Variants in NIPAL2 observed in about 807,000 individuals in gnomAD.
NIPAL2 encodes the protein NIPA like domain containing 2.
NIPAL2 carries 43 observed loss-of-function variants against 48.9 expected under a neutral mutation model. That is an observed-to-expected ratio of 0.88 (90% CI 0.69 to 1.13). The LOEUF (loss-of-function observed/expected upper bound fraction) is 1.13. Among genes scored for constraint, NIPAL2 ranks in the 50% most tolerant of loss-of-function variants. The pLI, the probability that NIPAL2 is intolerant of heterozygous loss-of-function variation, is 0.00. For synonymous variants in NIPAL2, 167 were observed against 174.6 expected (o/e 0.96, Z 0.34); for missense variants, 446 against 461.4 (o/e 0.97, Z 0.31).
intron 10 of NIPAL2, chr8:98,193,405 G>T: frequency 6.2e-7 from 1 of 1,614,050 alleles, no homozygotes; most frequent in South Asian, 1.1e-5. Flanking sequence ...TTCTCTCTGG[G>T]GTTGTGTCTT....
At chr8:98,281,262 A>C (rs1052392670) in intron 1 of NIPAL2, among the ~76,000 whole-genome samples, 1 of 152,126 alleles carries the variant, frequency 6.6e-6, no homozygotes, top group African/African-American at 2.4e-5. Flanking sequence ...GCTAAATGTT[A>C]GGTCCTATGT....
intron 1 of NIPAL2, among the ~76,000 whole-genome samples, chr8:98,256,468 CT>C (rs1253859087): frequency 6.6e-6 from 1 of 151,962 alleles, no homozygotes; most frequent in Non-Finnish European, 1.5e-5. Context: ...CAAAAACATC[CT>C]GATTAAAAAA....
Position 98,280,761 on chromosome 8 carries a change from T to TAGAGAGAGAGAG in NIPAL2, c.135+13230_135+13241dup, listed in dbSNP as rs1554578553. Among the ~76,000 whole-genome samples the TAGAGAGAGAGAG allele has an allele frequency of 3.9e-3, 116 of 29,934 alleles. 5 individuals are homozygous for TAGAGAGAGAGAG. Among genetic ancestry groups the TAGAGAGAGAGAG allele is most frequent in the East Asian group, 5.0e-3 (8 of 1,612 alleles). The allele number at this position is 29,934 out of a possible 152,430, so 19.6% of individuals were successfully genotyped here. ...CTATATATATATATATATATATATA[T>TAGAGAGAGAGAG]AGAGAGAGAGAGAGAGAGAGAGAGA... On this transcript the variant is annotated intron_variant, in intron 1 of 10. Coordinates refer to ENST00000430223, the MANE Select transcript of NIPAL2 (RefSeq NM_001321635.2).
intron 6 of NIPAL2, among the ~76,000 whole-genome samples, chr8:98,210,332 T>G (rs1011697489): frequency 6.6e-5 from 10 of 152,208 alleles, no homozygotes; most frequent in Non-Finnish European, 1.5e-5. Context: ...TATGCTGCAA[T>G]TAAATCTTGG....
At chr8:98,252,309 C>T in intron 3 of NIPAL2, 154 bp downstream of exon 3, 5 of 705,716 alleles carry the variant, frequency 7.1e-6, no homozygotes, top group Non-Finnish European at 1.1e-5. Flanking sequence ...GACAATGGAT[C>T]GCTGAAATTA....
chr8:98,290,766 G>T (rs1009896014), intron 1 of NIPAL2, among the ~76,000 whole-genome samples: 1 of 152,166 alleles, frequency 6.6e-6, no homozygotes, highest in African/African-American at 2.4e-5. Context: ...GCATATGGGG[G>T]TCAGTAGGTA....
rs563475614 is a variant in NIPAL2, at chr8:98,269,754, A to G, written c.136-15667T>C. Among the ~76,000 whole-genome samples, 6 of 152,230 alleles carry G rather than the reference A, an allele frequency of 3.9e-5. No homozygotes were observed. The South Asian group carries it at 1.2e-3, about 32-fold the overall frequency. On this transcript the variant is annotated intron_variant, in intron 1 of 10. Transcript: ENST00000430223. ...GATTTGTTAGAAGGGTATGTTCGCA[A>G]GATGCTGAGATTTGGGCTCGTATTG...
chr8:98,250,433 C>T (rs1034836852), intron 3 of NIPAL2, among the ~76,000 whole-genome samples: 3 of 152,112 alleles, frequency 2.0e-5, no homozygotes, highest in Non-Finnish European at 2.9e-5. Context: ...GAAAATCCTC[C>T]ATCACCAGCA....
chr8:98,277,591 A>G (rs907247079), intron 1 of NIPAL2, among the ~76,000 whole-genome samples: 4 of 152,052 alleles, frequency 2.6e-5, no homozygotes, highest in Non-Finnish European at 4.4e-5. Context: ...CTCCATAGCC[A>G]TTAGCAGTCA....
chr8:98,266,909 T>C (rs1814796057), intron 1 of NIPAL2, among the ~76,000 whole-genome samples: 1 of 152,116 alleles, frequency 6.6e-6, no homozygotes, highest in South Asian at 2.1e-4. Flanking sequence ...TAAGAGGTAA[T>C]AATAAAGCTT....
intron 4 of NIPAL2, among the ~76,000 whole-genome samples, chr8:98,233,943 A>C (rs1812576714): frequency 6.6e-6 from 1 of 152,168 alleles, no homozygotes; most frequent in African/African-American, 2.4e-5. Flanking sequence ...AACCAATTCA[A>C]ATGTTATCTC....
intron 8 of NIPAL2, among the ~76,000 whole-genome samples, chr8:98,196,571 T>A (rs1312027008): frequency 6.6e-6 from 1 of 152,264 alleles, no homozygotes; most frequent in Non-Finnish European, 1.5e-5. Context: ...CCTCTCATCT[T>A]CTTCTGGTCT....
chr8:98,242,588 C>T (rs544828699), intron 3 of NIPAL2, among the ~76,000 whole-genome samples: 71 of 150,766 alleles, frequency 4.7e-4, no homozygotes, highest in Admixed American at 4.0e-3. Context: ...CAAGTTCGAG[C>T]GATTCTCCTG....
At chr8:98,291,146 A>G (rs1323305273) in intron 1 of NIPAL2, among the ~76,000 whole-genome samples, 3 of 152,170 alleles carry the variant, frequency 2.0e-5, no homozygotes, top group Non-Finnish European at 4.4e-5. Flanking sequence ...TGCAAGGTAA[A>G]GTCCAAACTT....
chr8:98,215,247 A>T (rs1811516597), intron 5 of NIPAL2, among the ~76,000 whole-genome samples: 1 of 152,250 alleles, frequency 6.6e-6, no homozygotes, highest in Non-Finnish European at 1.5e-5. Flanking sequence ...ATAAAACATG[A>T]GTTCCCATTA....
intron 1 of NIPAL2, among the ~76,000 whole-genome samples, chr8:98,258,226 T>C (rs1473195352): frequency 6.6e-6 from 1 of 151,860 alleles, no homozygotes; most frequent in South Asian, 2.1e-4. Context: ...GTTGCCAGAG[T>C]TGGGGGAGGG....
chr8:98,248,700 T>C (rs535613382), intron 3 of NIPAL2, among the ~76,000 whole-genome samples: 14 of 152,350 alleles, frequency 9.2e-5, no homozygotes, highest in Admixed American at 2.0e-4. Flanking sequence ...TTGAAAATCA[T>C]TAATTAAGCT....
chr8:98,280,761 T>G (rs13269810), intron 1 of NIPAL2, among the ~76,000 whole-genome samples: 7,811 of 30,322 alleles, frequency 0.26, 1,041 homozygotes, highest in East Asian at 0.34. Context: ...TATATATATA[T>G]AGAGAGAGAG....
chr8:98,284,124 C>A lies in NIPAL2; in HGVS notation c.135+9879G>T, dbSNP rs182388352. ...TACTGGCATAGCAGCCAGGTCCCAA[C>A]ACAGCTCATGGTCAATGCTCATATG... On this transcript the variant is annotated intron_variant, in intron 1 of 10. Transcript: ENST00000430223. 1.8e-3 allele frequency among the ~76,000 whole-genome samples: 273 copies of A among 152,308 alleles called. 1 individual carries two copies. The highest frequency in any genetic ancestry group is 6.4e-3 in the African/African-American group (264 of 41,564).
Sources: allele counts gnomAD v4.1 joint callset (sites outside exome capture counted in the v4.1 genomes callset), GRCh38; gene constraint gnomAD v4.1.1; transcripts MANE v1.5; gene names NCBI Gene and HGNC (gene_info 2026-07-23, HGNC 2026-07-21).